KNTC1: variants seen among roughly 807,000 people sequenced by gnomAD.
The protein encoded by KNTC1 is kinetochore-associated protein 1.
KNTC1 carries 253 observed loss-of-function variants against 314.4 expected under a neutral mutation model. That is an observed-to-expected ratio of 0.80 (90% confidence interval 0.73 to 0.89). The LOEUF (loss-of-function observed/expected upper bound fraction) is 0.89, where lower values mean the gene tolerates loss of function less well. Among genes scored for constraint, KNTC1 ranks in the 40% least tolerant of loss-of-function variants. The pLI is 0.00. For missense variants in KNTC1, 2,475 were observed against 2,572.9 expected (o/e 0.96, Z 0.82); for synonymous variants, 901 against 901.4 (o/e 1.00, Z 0.01).
At chr12:122,530,808 C>T (rs1311014545) in intron 2 of KNTC1, among the ~76,000 whole-genome samples, 1 of 152,160 alleles carries the variant, frequency 6.6e-6, no homozygotes, top group Non-Finnish European at 1.5e-5. Context: ...GAGTTGAAGG[C>T]TCTGAGGGTC....
At chr12:122,570,637 T>C (rs1217426893) in intron 22 of KNTC1, among the ~76,000 whole-genome samples, 5 of 152,100 alleles carry the variant, frequency 3.3e-5, no homozygotes, top group African/African-American at 1.2e-4. Context: ...ACAAAGGGGA[T>C]GGATACCCCA....
chr12:122,602,678 A>G lies in KNTC1; in HGVS notation c.4763A>G (p.Gln1588Arg). ...GTCATAACTTTGCCATCAGCTGCCC[A>G]AACTAGACTGCCTTTTCACCTGATA... is the stretch of plus-strand genomic sequence containing the variant. The part of the protein sequence containing the change: ...EHVITLPSAA[Q>R]TRLPFHLIFF... The change falls in exon 46 of 64, where the codon CAA becomes CGA. Residue 1588 changes from glutamine (Q) to arginine (R), a missense_variant. Gln to Arg is a conservative substitution (Grantham distance 43, BLOSUM62 1). Transcript: ENST00000333479. 6.2e-7 allele frequency: 1 copy of G among 1,613,962 alleles called. No individual in the cohort carries two copies. The highest frequency in any genetic ancestry group is 8.5e-7 in the Non-Finnish European group (1 of 1,179,836).
chr12:122,546,335 CTTAG>C, intron 9 of KNTC1, 66 bp downstream of exon 9: 8 of 955,226 alleles, frequency 8.4e-6, no homozygotes, highest in Non-Finnish European at 1.2e-5. Flanking sequence ...TGTCAGTGTA[CTTAG>C]ACTGACATAT....
At chr12:122,592,007 T>G (rs1870277032) in intron 42 of KNTC1, among the ~76,000 whole-genome samples, 1 of 152,142 alleles carries the variant, frequency 6.6e-6, no homozygotes. Context: ...TCCCTCAGCT[T>G]GCAGGGAGGT....
intron 33 of KNTC1, among the ~76,000 whole-genome samples, chr12:122,581,292 A>G (rs1023457425): frequency 2.7e-5 from 4 of 146,904 alleles, no homozygotes; most frequent in African/African-American, 5.1e-5. Flanking sequence ...TCCACCTCCC[A>G]GGTTCAAGTG....
At chr12:122,533,164 CCTTTT>C (rs1446070135) in intron 2 of KNTC1, among the ~76,000 whole-genome samples, 3 of 151,832 alleles carry the variant, frequency 2.0e-5, no homozygotes, top group South Asian at 4.2e-4. Flanking sequence ...TAGTGCCGTT[CCTTTT>C]CTTTTTTTTT....
At chr12:122,572,668 G>A (rs1279424111) in intron 24 of KNTC1, among the ~76,000 whole-genome samples, 1 of 151,948 alleles carries the variant, frequency 6.6e-6, no homozygotes, top group Non-Finnish European at 1.5e-5. Context: ...ATGATGCTGT[G>A]TACTAAGTAT....
Position 122,534,780 on chromosome 12 carries a change from C to G in KNTC1, c.246C>G (p.Val82=), listed in dbSNP as rs747532457. The G allele has an allele frequency of 3.1e-6, 5 of 1,612,614 alleles. No individual in the cohort carries two copies. The highest frequency in any genetic ancestry group is 3.3e-5 in the Admixed American group (2 of 59,904). Residue 82 remains valine (V), a synonymous_variant, in exon 3 of 64, where the codon GTC becomes GTG. Transcript: ENST00000333479. ...GTAGATCACTTCAATTGCATCTTGT[C>G]TTTGGTAAGTATAATGTAGTGAATG... is the stretch of plus-strand genomic sequence containing the variant. ...SICRSLQLHL[V]FDTEVDVVGL...
chr12:122,622,701 C>A, intron 62 of KNTC1, 94 bp downstream of exon 62: 1 of 1,062,194 alleles, frequency 9.4e-7, no homozygotes, highest in Non-Finnish European at 1.3e-6. Context: ...GTAATCCTAG[C>A]ACTTTGGGAA....
chr12:122,558,294 C>T (rs531517865), intron 18 of KNTC1, among the ~76,000 whole-genome samples: 19 of 151,734 alleles, frequency 1.3e-4, no homozygotes, highest in Admixed American at 3.3e-4. Flanking sequence ...CTCCTGTAAT[C>T]CCAGCACTTT....
In KNTC1 at chr12:122,621,933, A is replaced by G; in HGVS notation, c.6332A>G (p.His2111Arg). 1.9e-6 allele frequency: 3 copies of G among 1,609,910 alleles called. No homozygotes were observed. Among genetic ancestry groups the G allele is most frequent in the Admixed American group, 1.7e-5 (1 of 59,436 alleles). The change falls in exon 61 of 64, where the codon CAT becomes CGT. Residue 2111 changes from histidine (H) to arginine (R), a missense_variant. Transcript: ENST00000333479. ...GTTATTTTAAAGCAATTGGAAGAGCATATGAACACGGGCCAGCTAGCAGGA... is the reference window on the plus strand; with the variant it reads ...GTTATTTTAAAGCAATTGGAAGAGCGTATGAACACGGGCCAGCTAGCAGGA... ...PQVILKQLEE[H>R]MNTGQLAGFS...
rs779178448 is a variant in KNTC1, at chr12:122,602,617, C to A, written c.4702C>A (p.Pro1568Thr). The stretch of plus-strand genomic sequence containing the variant: ...GAAGTCATACAGAAGAATTTCTCCT[C>A]CCGTGGATCTAGAATATCAGTATAT... ...HLKSYRRISP[P>T]VDLEYQYMLE... Residue 1568 changes from proline to threonine, a missense_variant, in exon 46 of 64, where the codon CCC (proline) becomes ACC (threonine). Coordinates refer to ENST00000333479, the MANE Select transcript of KNTC1 (RefSeq NM_014708.6). 16 of 1,611,864 alleles carry A rather than the reference C, an allele frequency of 9.9e-6. No homozygotes were observed.
chr12:122,603,273 A>G, intron 48 of KNTC1, 30 bp downstream of exon 48: 1 of 217,472 alleles, frequency 4.6e-6, no homozygotes, highest in South Asian at 1.4e-4. Context: ...AATTGTAGTT[A>G]AAAAAAAAAA....
rs1335474581 is a variant in KNTC1, at chr12:122,601,365, G to A, written c.4564-171G>A. Among the ~76,000 whole-genome samples, 8 of 152,150 alleles carry A rather than the reference G, an allele frequency of 5.3e-5. No homozygotes were observed. The East Asian group carries it at 7.7e-4, about 15-fold the overall frequency. ...CTCCCAAAGTGCTAGGATTACAGGC[G>A]TGAGCCACCGTGCCCGGCCGATTGT... is the stretch of plus-strand genomic sequence containing the variant. On this transcript the variant is annotated intron_variant, in intron 44 of 63. Transcript: ENST00000333479.
intron 8 of KNTC1, among the ~76,000 whole-genome samples, chr12:122,544,572 A>T (rs1197034776): frequency 2.0e-5 from 3 of 152,218 alleles, no homozygotes; most frequent in African/African-American, 7.2e-5. Flanking sequence ...TTTGTCACTA[A>T]TGGAAAAACA....
chr12:122,533,929 A>G lies in KNTC1; in HGVS notation c.130-735A>G, dbSNP rs547558974. Among the ~76,000 whole-genome samples the G allele has an allele frequency of 1.1e-4, 17 of 152,230 alleles. No individual in the cohort carries two copies. In the South Asian group the frequency reaches 1.5e-3, roughly 13 times the overall value. Reference sequence around the variant, plus strand: ...CTTTATTCAGGTGAACCTTGTAGGTATTATTATTGTTACTCTTTTACATGG... The same window carrying G: ...CTTTATTCAGGTGAACCTTGTAGGTGTTATTATTGTTACTCTTTTACATGG... On this transcript the variant is annotated intron_variant, in intron 2 of 63. Coordinates refer to ENST00000333479, the MANE Select transcript of KNTC1 (RefSeq NM_014708.6).
chr12:122,543,132 C>T (rs756665973), intron 6 of KNTC1, among the ~76,000 whole-genome samples: 5 of 152,116 alleles, frequency 3.3e-5, no homozygotes, highest in South Asian at 2.1e-4. Flanking sequence ...AGGCTGGTCT[C>T]GAACTCCTCA....
intron 4 of KNTC1, 104 bp downstream of exon 4, chr12:122,538,558 A>G (rs1268532200): frequency 1.5e-6 from 1 of 658,712 alleles, no homozygotes; most frequent in Non-Finnish European, 2.5e-6. Flanking sequence ...TTTAAATTAA[A>G]GCAATGTTTT....
In KNTC1 at chr12:122,536,836, G is replaced by A. The variant is rs537817206; in HGVS notation, c.251-1503G>A. 2.0e-3 allele frequency among the ~76,000 whole-genome samples: 305 copies of A among 152,294 alleles called. 1 individual carries two copies. The highest frequency in any genetic ancestry group is 6.9e-3 in the African/African-American group (286 of 41,562). ...CCCGGCCATTAAATAGAAATTTTAA[G>A]AGAAAGATAGTTGTTGAAACTTTTA... On this transcript the variant is annotated intron_variant, in intron 3 of 63. Coordinates refer to ENST00000333479, the MANE Select transcript of KNTC1 (RefSeq NM_014708.6).
Sources: gnomAD v4.1 joint callset for allele counts (sites outside exome capture counted in the v4.1 genomes callset) on GRCh38, gnomAD v4.1.1 for gene constraint, MANE v1.5 for transcripts, NCBI Gene and HGNC (gene_info 2026-07-23, HGNC 2026-07-21) for gene names.